The following COL10A1 variants were observed in gnomAD, a reference collection of about 807,000 sequenced individuals.
The protein encoded by COL10A1 is collagen alpha-1(X) chain.
A neutral mutation model predicts 18.2 loss-of-function variants in COL10A1; 10 were observed. The ratio of observed to expected loss-of-function variants is 0.55; its 90% CI spans 0.34 to 0.93. COL10A1 has a LOEUF of 0.93. COL10A1 is among the 40% of genes least tolerant of loss of function. The pLI is 0.02. For synonymous variants in COL10A1, 330 were observed against 316.6 expected, an observed-to-expected ratio of 1.04 and a Z score of -0.45; for missense variants, 897 against 853.5, an observed-to-expected ratio of 1.05 and a Z score of -0.64.
upstream of COL10A1, among the ~76,000 whole-genome samples, chr6:116,163,082 G>A (rs556225666): frequency 2.9e-3 from 404 of 139,300 alleles, 2 homozygotes; most frequent in African/African-American, 0.011. Context: ...AGCCGAGATC[G>A]TGCCACTGCA....
the COL10A1 span, among the ~76,000 whole-genome samples, chr6:116,217,020 C>A: frequency 2.0e-5 from 3 of 152,138 alleles, no homozygotes; most frequent in Non-Finnish European, 4.4e-5. Flanking sequence ...CATCTCTAGT[C>A]CCCTCGGACA....
chr6:116,121,143 G>T lies in COL10A1; in HGVS notation c.973C>A (p.Gln325Lys). Residue 325 changes from glutamine to lysine, a missense_variant, in exon 3 of 3, where the codon CAA becomes AAA. By Grantham distance (53) the Gln-to-Lys change is moderately conservative. Coordinates refer to ENST00000651968, the MANE Select transcript of COL10A1 (RefSeq NM_000493.4). ...LPGGPGAKGE[Q>K]GPAGLPGKPG... ...TTCCCAGGAAGACCTGCTGGCCCTT[G>T]TTCCCCTTTGGCACCTGGACCCCCA... The T allele has an allele frequency of 6.2e-7, 1 of 1,613,410 alleles. No homozygotes were observed. The highest frequency in any genetic ancestry group is 8.5e-7 in the Non-Finnish European group (1 of 1,179,678).
chr6:116,199,346 G>A, the COL10A1 span, among the ~76,000 whole-genome samples: 1 of 152,058 alleles, frequency 6.6e-6, no homozygotes, highest in East Asian at 1.9e-4. Flanking sequence ...ACATTAGATA[G>A]TCAAAGGACA....
the COL10A1 span, among the ~76,000 whole-genome samples, chr6:116,202,555 T>A: frequency 6.6e-6 from 1 of 152,010 alleles, no homozygotes; most frequent in Non-Finnish European, 1.5e-5. Context: ...TATTTTCTTT[T>A]ACAGATGCAA....
At chr6:116,191,898 TAAATC>T in the COL10A1 span, among the ~76,000 whole-genome samples, 2 of 152,080 alleles carry the variant, frequency 1.3e-5, no homozygotes, top group Non-Finnish European at 2.9e-5. Context: ...TTATCAGTGA[TAAATC>T]AAATCAGTTT....
intron 1 of COL10A1, among the ~76,000 whole-genome samples, chr6:116,153,227 C>A (rs988838732): frequency 1.1e-4 from 16 of 151,732 alleles, no homozygotes; most frequent in South Asian, 4.2e-4. Context: ...AAACTTATAA[C>A]CTTGTCTGAT....
intron 1 of COL10A1, among the ~76,000 whole-genome samples, chr6:116,138,942 A>C (rs1371355479): frequency 6.6e-6 from 1 of 152,140 alleles, no homozygotes; most frequent in Non-Finnish European, 1.5e-5. Context: ...TTATAATTGC[A>C]TTATTAGTTT....
the COL10A1 span, among the ~76,000 whole-genome samples, chr6:116,209,048 A>C: frequency 6.6e-6 from 1 of 152,032 alleles, no homozygotes; most frequent in Non-Finnish European, 1.5e-5. Context: ...GCTTTAAACA[A>C]AGTCTCTTAA....
At chr6:116,208,242 G>A in the COL10A1 span, among the ~76,000 whole-genome samples, 3 of 151,876 alleles carry the variant, frequency 2.0e-5, no homozygotes, top group Admixed American at 6.6e-5. Context: ...TGCTTTGCCC[G>A]GAGGCATCCC....
the COL10A1 span, among the ~76,000 whole-genome samples, chr6:116,202,928 G>C: frequency 6.6e-5 from 10 of 151,890 alleles, no homozygotes; most frequent in Non-Finnish European, 1.3e-4. Context: ...GGGTAATGTA[G>C]TAATGCAAAA....
At chr6:116,154,992 C>T (rs1430030974) in intron 1 of COL10A1, among the ~76,000 whole-genome samples, 4 of 152,248 alleles carry the variant, frequency 2.6e-5, no homozygotes, top group African/African-American at 9.6e-5. Flanking sequence ...TTAACTTTTA[C>T]TCCCTGTGCT....
upstream of COL10A1, among the ~76,000 whole-genome samples, chr6:116,127,333 A>G (rs981723758): frequency 3.9e-5 from 6 of 152,264 alleles, no homozygotes; most frequent in South Asian, 2.1e-4. Context: ...ATGTAAATGG[A>G]TAAGGCATCT....
the COL10A1 span, among the ~76,000 whole-genome samples, chr6:116,170,727 A>T: frequency 2.0e-5 from 3 of 152,342 alleles, no homozygotes; most frequent in South Asian, 6.2e-4. Flanking sequence ...CAGCCTTAGC[A>T]AACTGCTTGC....
At chr6:116,151,444 C>T (rs1780035731) in intron 1 of COL10A1, among the ~76,000 whole-genome samples, 1 of 152,112 alleles carries the variant, frequency 6.6e-6, no homozygotes, top group Admixed American at 6.5e-5. Flanking sequence ...AGTTAAAGGG[C>T]ATTTATAGAG....
chr6:116,126,637 C>G (rs1346604391), upstream of COL10A1, among the ~76,000 whole-genome samples: 1 of 152,060 alleles, frequency 6.6e-6, no homozygotes, highest in Non-Finnish European at 1.5e-5. Context: ...TTCTTAATTA[C>G]TTTTAGGCTT....
In COL10A1 at chr6:116,120,709, T is replaced by A; in HGVS notation, c.1407A>T (p.Pro469=). Reference sequence around the variant, plus strand: ...CTGGGCCAGGAGGACCGGGACTTCCTGGATCCCCTTTAGACCCAGGGAATC... The same window carrying A: ...CTGGGCCAGGAGGACCGGGACTTCCAGGATCCCCTTTAGACCCAGGGAATC... The part of the protein sequence containing the change: ...IPGFPGSKGD[P]GSPGPPGPAG... The change falls in exon 3 of 3, where the codon CCA becomes CCT. Residue 469 remains proline (P), a synonymous_variant. Transcript: ENST00000651968. 6.4e-7 allele frequency: 1 copy of A among 1,561,100 alleles called. No individual in the cohort carries two copies. Among genetic ancestry groups the A allele is most frequent in the South Asian group, 1.2e-5 (1 of 82,204 alleles).
At chr6:116,190,043 C>G in the COL10A1 span, among the ~76,000 whole-genome samples, 1 of 151,880 alleles carries the variant, frequency 6.6e-6, no homozygotes, top group Non-Finnish European at 1.5e-5. Flanking sequence ...ATTATTTCAT[C>G]TCTCTGAATC....
the COL10A1 span, among the ~76,000 whole-genome samples, chr6:116,169,503 A>G: frequency 6.6e-6 from 1 of 152,248 alleles, no homozygotes. Context: ...ATGAAAGACT[A>G]TATGGTAGGA....
chr6:116,188,892 C>A, the COL10A1 span, among the ~76,000 whole-genome samples: 3 of 151,780 alleles, frequency 2.0e-5, no homozygotes, highest in African/African-American at 7.2e-5. Context: ...TAATTTGGAT[C>A]TGTTTATTTA....
Sources: allele counts gnomAD v4.1 joint callset (sites outside exome capture counted in the v4.1 genomes callset), GRCh38; gene constraint gnomAD v4.1.1; transcripts MANE v1.5; gene names NCBI Gene and HGNC (gene_info 2026-07-23, HGNC 2026-07-21).